The following IDH1 variants were observed in gnomAD, a reference collection of about 807,000 sequenced individuals.
IDH1 encodes the protein isocitrate dehydrogenase (NADP(+)) 1.
In IDH1, 33 loss-of-function variants were observed where a neutral mutation model predicts 46.1. The ratio of observed to expected loss-of-function variants is 0.72; its 90% confidence interval spans 0.54 to 0.96. The LOEUF (loss-of-function observed/expected upper bound fraction) is 0.96. Ranked by LOEUF, IDH1 falls within the 40% of genes least tolerant of loss-of-function variation. The pLI is 0.00. For synonymous variants in IDH1, 144 were observed against 172.8 expected, an observed-to-expected ratio of 0.83 and a Z score of 1.31; for missense variants, 421 against 515.7, an observed-to-expected ratio of 0.82 and a Z score of 1.78.
At chr2:208,249,802 T>C (rs1231307185) in intron 3 of IDH1, among the ~76,000 whole-genome samples, 1 of 152,198 alleles carries the variant, frequency 6.6e-6, no homozygotes, top group East Asian at 1.9e-4. Context: ...TTCATATAAA[T>C]CTAACAAAGT....
rs767185144 is a variant in IDH1, at chr2:208,245,283, A to T, written c.520+36T>A. ...AAAATATTATCTAAATCATTTGTTT[A>T]AAAAAAAAAGAAGCTTATGCTACAG... On this transcript the variant is annotated intron_variant, in intron 5 of 9. Transcript: ENST00000345146. 6.2e-5 allele frequency: 49 copies of T among 791,260 alleles called. No individual in the cohort carries two copies. In the Middle Eastern group the frequency reaches 1.6e-3, roughly 25 times the overall value. The allele number at this position is 791,260 out of a possible 1,614,324, so 49.0% of individuals were successfully genotyped here. A position where few individuals can be genotyped will look rare whatever the true frequency, so the allele number is the denominator to read the frequency against.
intron 4 of IDH1, 42 bp downstream of exon 4, chr2:208,248,327 A>G: frequency 6.3e-7 from 1 of 1,599,540 alleles, no homozygotes; most frequent in East Asian, 2.2e-5. Context: ...GGGCCATGAA[A>G]AAAAAAACAT....
chr2:208,243,683 AC>A, intron 5 of IDH1, 79 bp from the exon 6 acceptor site: 1 of 1,146,064 alleles, frequency 8.7e-7, no homozygotes, highest in South Asian at 1.3e-5. Context: ...AAAATCACCC[AC>A]CACAACCAAA....
At position 208,243,557 on chromosome 2, in the gene IDH1, C is replaced by T. The variant is rs1553602798; in HGVS notation, c.568G>A (p.Glu190Lys). The part of the protein sequence containing the change: ...MGMYNQDKSI[E>K]DFAHSSFQMA... ...TGGAAGGAACTGTGTGCAAAATCTT[C>T]AATTGACTTATCTTGATTATACATC... The change falls in exon 6 of 10, where the codon GAA becomes AAA. Residue 190 changes from glutamate to lysine, a missense_variant. By Grantham distance (56) the Glu-to-Lys change is moderately conservative. Coordinates refer to ENST00000345146, the MANE Select transcript of IDH1 (RefSeq NM_005896.4). 1 of 1,614,062 alleles carries T rather than the reference C, an allele frequency of 6.2e-7. No homozygotes were observed. Among genetic ancestry groups the T allele is most frequent in the Non-Finnish European group, 8.5e-7 (1 of 1,179,936 alleles).
chr2:208,242,674 C>G (rs778726832), intron 6 of IDH1, among the ~76,000 whole-genome samples: 1 of 152,182 alleles, frequency 6.6e-6, no homozygotes, highest in African/African-American at 2.4e-5. Context: ...TGCTCACCTC[C>G]TGTGCTGTGG....
intron 7 of IDH1, among the ~76,000 whole-genome samples, chr2:208,240,667 G>A (rs1195130037): frequency 1.3e-5 from 2 of 152,096 alleles, no homozygotes; most frequent in African/African-American, 4.8e-5. Context: ...CTCTTCTGTG[G>A]TTTCTTATTG....
intron 6 of IDH1, among the ~76,000 whole-genome samples, chr2:208,243,151 T>C (rs1687952136): frequency 6.6e-6 from 1 of 152,218 alleles, no homozygotes; most frequent in South Asian, 2.1e-4. Flanking sequence ...TTAGAACTTA[T>C]CACTAACAGC....
intron 8 of IDH1, 77 bp downstream of exon 8, chr2:208,239,786 T>C: frequency 7.0e-7 from 1 of 1,429,880 alleles, no homozygotes; most frequent in Non-Finnish European, 9.9e-7. Flanking sequence ...CACAAAACAC[T>C]GAGCAGCCAA....
In IDH1 at chr2:208,251,558, T is replaced by G. The variant is rs750612823; in HGVS notation, c.-7A>C. 1 of 1,612,880 alleles carries G rather than the reference T, an allele frequency of 6.2e-7. No homozygotes were observed. Among genetic ancestry groups the G allele is most frequent in the Admixed American group, 1.7e-5 (1 of 60,008 alleles). ...CACTGATTTTTTTGGACATTTTGACTTCAATAAACCTAAAAAGAAAAAAAA... is the reference window on the plus strand; with the variant it reads ...CACTGATTTTTTTGGACATTTTGACGTCAATAAACCTAAAAAGAAAAAAAA... On this transcript the variant is annotated 5_prime_UTR_variant, in exon 3 of 10. Transcript: ENST00000345146.
intron 9 of IDH1, among the ~76,000 whole-genome samples, chr2:208,238,104 C>T (rs529730528): frequency 6.0e-5 from 9 of 149,350 alleles, no homozygotes; most frequent in Admixed American, 2.0e-4. Flanking sequence ...GGCACCATCT[C>T]GGCTCACTGC....
chr2:208,246,871 A>C (rs1688032319), intron 4 of IDH1, among the ~76,000 whole-genome samples: 2 of 152,154 alleles, frequency 1.3e-5, no homozygotes, highest in African/African-American at 4.8e-5. Context: ...TGAACCCGGG[A>C]GGCAGAGGTT....
intron 2 of IDH1, among the ~76,000 whole-genome samples, chr2:208,253,514 C>A (rs1295493787): frequency 6.6e-6 from 1 of 152,154 alleles, no homozygotes; most frequent in Non-Finnish European, 1.5e-5. Flanking sequence ...CCAGCAGGCA[C>A]CAGCTCATAT....
At chr2:208,243,365 T>G in intron 6 of IDH1, 62 bp downstream of exon 6, 1 of 1,216,932 alleles carries the variant, frequency 8.2e-7, no homozygotes, top group Non-Finnish European at 1.2e-6. Flanking sequence ...AGATACATAC[T>G]CTATATGCAA....
intron 7 of IDH1, among the ~76,000 whole-genome samples, chr2:208,241,782 G>A (rs1326174689): frequency 2.0e-5 from 3 of 152,170 alleles, no homozygotes; most frequent in African/African-American, 7.2e-5. Flanking sequence ...CTGGAGCCAG[G>A]AGTGTCAATC....
At chr2:208,244,879 G>A (rs959282386) in intron 5 of IDH1, among the ~76,000 whole-genome samples, 1 of 152,202 alleles carries the variant, frequency 6.6e-6, no homozygotes, top group Non-Finnish European at 1.5e-5. Flanking sequence ...TTTTTCACAG[G>A]ATAAATACCC....
rs918275737 is a variant in IDH1 at position 208,243,655 on chromosome 2, T to C, written c.521-51A>G. 2.0e-6 allele frequency: 3 copies of C among 1,471,948 alleles called. No individual in the cohort carries two copies. In the African/African-American group the frequency reaches 4.2e-5, roughly 20 times the overall value. The allele number at this position is 1,471,948 out of a possible 1,614,324, so 91.2% of individuals were successfully genotyped here. A position where few individuals can be genotyped will look rare whatever the true frequency, so the allele number is the denominator to read the frequency against. The stretch of plus-strand genomic sequence containing the variant: ...AAAAAAGGGAGAAGAATAAATGTAA[T>C]GTAGTTGTAATAAGGCTAAAATCAC... On this transcript the variant is annotated intron_variant, in intron 5 of 9. Transcript: ENST00000345146.
In IDH1 at chr2:208,242,010, C is replaced by T. The variant is rs369424896; in HGVS notation, c.834G>A (p.Ser278=). 1.7e-5 allele frequency: 27 copies of T among 1,612,180 alleles called. No individual in the cohort carries two copies. The highest frequency in any genetic ancestry group is 1.3e-4 in the East Asian group (6 of 44,888). ...CCTCTGTACCTTGGGCCACAGAGTC[C>T]GACTGCACGTCACCATCATAGTTTT... ...ACKNYDGDVQ[S]DSVAQGYGSL... Residue 278 remains serine, a synonymous_variant, in exon 7 of 10, where the codon TCG becomes TCA. Transcript: ENST00000345146.
intron 5 of IDH1, 22 bp downstream of exon 5, chr2:208,245,297 C>T (rs778537293): frequency 2.6e-6 from 3 of 1,173,668 alleles, no homozygotes; most frequent in Non-Finnish European, 2.5e-6. Flanking sequence ...AAAAAAGAAG[C>T]TTATGCTACA....
rs777151708 is a variant in IDH1 at position 208,237,173 on chromosome 2, A to C, written c.1155-4T>G. On this transcript the variant is annotated splice_polypyrimidine_tract_variant and splice_region_variant and intron_variant, in intron 9 of 9. Coordinates refer to ENST00000345146, the MANE Select transcript of IDH1 (RefSeq NM_005896.4). ...CAAGTAGTCAGAACGTTGCACACTA[A>C]CGGGAAGGAAAAAAAAAAGAAAATT... 6.9e-7 allele frequency: 1 copy of C among 1,458,632 alleles called. No individual in the cohort carries two copies. The highest frequency in any genetic ancestry group is 9.1e-7 in the Non-Finnish European group (1 of 1,097,210). 90.4% of individuals were successfully genotyped at this position (1,458,632 alleles called of 1,614,324 possible).
Sources: gnomAD v4.1 joint callset for allele counts (sites outside exome capture counted in the v4.1 genomes callset) on GRCh38, gnomAD v4.1.1 for gene constraint, MANE v1.5 for transcripts, NCBI Gene and HGNC (gene_info 2026-07-23, HGNC 2026-07-21) for gene names.